The following ADAMTSL1 variants were observed in gnomAD, a reference collection of about 807,000 sequenced individuals.
ADAMTSL1 encodes the protein ADAMTS like 1, also known as ADAMTS-like protein 1.
In ADAMTSL1, 126 loss-of-function variants were observed where a neutral mutation model predicts 201.8. The observed-to-expected ratio is 0.62, with a 90% CI of 0.54 to 0.72. The LOEUF is 0.72. ADAMTSL1 is among the 30% of genes least tolerant of loss of function. The probability of loss-of-function intolerance (pLI) is 0.00; values close to 1 mark genes in which losing one functional copy is unlikely to be tolerated. For missense variants in ADAMTSL1, 2,679 were observed against 2,277.8 expected (o/e 1.18, Z -3.59); for synonymous variants, 1,121 against 903.4 (o/e 1.24, Z -4.32).
intron 3 of ADAMTSL1, among the ~76,000 whole-genome samples, chr9:18,542,264 G>T (rs1476078035): frequency 1.3e-5 from 2 of 151,738 alleles, no homozygotes; most frequent in Admixed American, 1.3e-4. Flanking sequence ...TTGAAACAAA[G>T]AAAAAAAATA....
Position 18,043,981 on chromosome 9 carries a change from C to T in ADAMTSL1, c.88-119881C>T, listed in dbSNP as rs576486213. On this transcript the variant is annotated intron_variant, in intron 1 of 29. Coordinates refer to the ADAMTSL1 transcript ENST00000680146. ...CATGCTATACCCCTCTTCATGGATGCGTGCCTTCCCATCTAGTATGTTACT... is the reference window on the plus strand; with the variant it reads ...CATGCTATACCCCTCTTCATGGATGTGTGCCTTCCCATCTAGTATGTTACT... Among the ~76,000 whole-genome samples the T allele has an allele frequency of 4.8e-5, 7 of 146,724 alleles. No homozygotes were observed. The South Asian group carries it at 1.1e-3, about 24-fold the overall frequency.
At chr9:18,479,349 C>A (rs1312518058) in intron 1 of ADAMTSL1, among the ~76,000 whole-genome samples, 1 of 152,172 alleles carries the variant, frequency 6.6e-6, no homozygotes, top group African/African-American at 2.4e-5. Flanking sequence ...TCCCAAGAAA[C>A]TCAGTATTCA....
In ADAMTSL1 at chr9:18,588,511, C is replaced by T. The variant is rs143238667; in HGVS notation, c.474+14245C>T. ...CTTTTGTTTTCTGTGCTTTTGAGAT[C>T]TTATCCAAAAAATCTTTGCCCAGAT... On this transcript the variant is annotated intron_variant, in intron 4 of 28. Coordinates refer to ENST00000380548, the MANE Select transcript of ADAMTSL1 (RefSeq NM_001040272.6). Among the ~76,000 whole-genome samples the T allele has an allele frequency of 8.1e-3, 1,239 of 152,084 alleles. 14 individuals are homozygous for T. Among genetic ancestry groups the T allele is most frequent in the African/African-American group, 0.029 (1,193 of 41,520 alleles).
chr9:18,342,375 A>C (rs920927438), intron 2 of ADAMTSL1, among the ~76,000 whole-genome samples: 1 of 152,134 alleles, frequency 6.6e-6, no homozygotes, highest in African/African-American at 2.4e-5. Context: ...CACTATTCTC[A>C]AGTATCATCT....
chr9:18,788,764 ATGT>A (rs1378548417), intron 19 of ADAMTSL1, among the ~76,000 whole-genome samples: 3 of 152,144 alleles, frequency 2.0e-5, no homozygotes, highest in Non-Finnish European at 4.4e-5. Flanking sequence ...TTTGGGGCTA[ATGT>A]TATTTGCACA....
At chr9:18,315,554 A>G (rs1586880703) in intron 2 of ADAMTSL1, among the ~76,000 whole-genome samples, 1 of 151,904 alleles carries the variant, frequency 6.6e-6, no homozygotes, top group Non-Finnish European at 1.5e-5. Flanking sequence ...GTGCTGGGGG[A>G]CCTGGCACAC....
intron 1 of ADAMTSL1, among the ~76,000 whole-genome samples, chr9:18,012,163 G>T (rs1387051985): frequency 6.6e-6 from 1 of 152,062 alleles, no homozygotes; most frequent in African/African-American, 2.4e-5. Flanking sequence ...CACCATGGCA[G>T]TGTCTCCCCA....
chr9:18,406,294 C>CTTTTCTTTTCTTTT (rs1818193801), intron 2 of ADAMTSL1, among the ~76,000 whole-genome samples: 1 of 67,930 alleles, frequency 1.5e-5, no homozygotes, highest in South Asian at 5.4e-4. Flanking sequence ...ACAGTTTTTT[C>CTTTTCTTTTCTTTT]TTTTCTTTTC....
At chr9:18,081,812 A>G (rs948581047) in intron 1 of ADAMTSL1, among the ~76,000 whole-genome samples, 3 of 152,220 alleles carry the variant, frequency 2.0e-5, no homozygotes, top group Admixed American at 2.0e-4. Flanking sequence ...ATGTAAGCGT[A>G]TCTGCATTGT....
At chr9:18,382,128 A>T (rs1395863521) in intron 2 of ADAMTSL1, among the ~76,000 whole-genome samples, 1 of 152,182 alleles carries the variant, frequency 6.6e-6, no homozygotes, top group African/African-American at 2.4e-5. Flanking sequence ...GGGGGCAGGT[A>T]GCATGCTCTT....
At chr9:18,838,380 C>T (rs1278653885) in intron 23 of ADAMTSL1, among the ~76,000 whole-genome samples, 1 of 138,216 alleles carries the variant, frequency 7.2e-6, no homozygotes, top group African/African-American at 2.5e-5. Flanking sequence ...CACACACACA[C>T]ACACACACAC....
intron 14 of ADAMTSL1, among the ~76,000 whole-genome samples, chr9:18,711,964 G>A (rs1303586276): frequency 6.6e-6 from 1 of 151,884 alleles, no homozygotes. Context: ...GCCTAACTGG[G>A]AGGCACCCCC....
chr9:18,350,047 A>G (rs1764021791), intron 2 of ADAMTSL1, among the ~76,000 whole-genome samples: 1 of 151,972 alleles, frequency 6.6e-6, no homozygotes, highest in Admixed American at 6.6e-5. Flanking sequence ...GCACAGCCAG[A>G]AATGGAAAAA....
At chr9:18,710,962 C>T (rs1368406643) in intron 14 of ADAMTSL1, among the ~76,000 whole-genome samples, 1 of 152,096 alleles carries the variant, frequency 6.6e-6, no homozygotes, top group African/African-American at 2.4e-5. Flanking sequence ...AAAATCTCAA[C>T]CAAAACGTTA....
intron 2 of ADAMTSL1, among the ~76,000 whole-genome samples, chr9:18,176,019 A>AT (rs1209277985): frequency 3.6e-5 from 5 of 138,768 alleles, no homozygotes; most frequent in African/African-American, 5.2e-5. Context: ...AAAAAAAAAA[A>AT]AAAAAAAAAA....
intron 2 of ADAMTSL1, among the ~76,000 whole-genome samples, chr9:18,462,491 A>C (rs1341913554): frequency 1.3e-5 from 2 of 152,178 alleles, no homozygotes; most frequent in Non-Finnish European, 2.9e-5. Flanking sequence ...AATACAAATA[A>C]AATTTTTTAT....
At chr9:17,984,455 T>A (rs1053979816) in intron 1 of ADAMTSL1, among the ~76,000 whole-genome samples, 14 of 152,288 alleles carry the variant, frequency 9.2e-5, no homozygotes, top group Admixed American at 3.9e-4. Context: ...CACTTTTGTC[T>A]TATAAATTTT....
intron 15 of ADAMTSL1, among the ~76,000 whole-genome samples, chr9:18,736,970 C>G (rs1025862723): frequency 1.3e-5 from 2 of 152,114 alleles, no homozygotes; most frequent in African/African-American, 4.8e-5. Flanking sequence ...TTCTGAATAT[C>G]AAATGTGCCC....
At chr9:18,093,635 A>C (rs1824119920) in intron 1 of ADAMTSL1, among the ~76,000 whole-genome samples, 1 of 152,222 alleles carries the variant, frequency 6.6e-6, no homozygotes, top group African/African-American at 2.4e-5. Flanking sequence ...CAGACTAACA[A>C]ATGTAACTAT....
Sources: allele counts gnomAD v4.1 joint callset (sites outside exome capture counted in the v4.1 genomes callset), GRCh38; gene constraint gnomAD v4.1.1; transcripts MANE v1.5; gene names NCBI Gene and HGNC (gene_info 2026-07-23, HGNC 2026-07-21).